The following KCNC2 variants were observed in gnomAD, a reference collection of about 807,000 sequenced individuals.
KCNC2 encodes potassium voltage-gated channel subfamily C member 2.
KCNC2 carries 21 observed loss-of-function variants against 44.5 expected under a neutral mutation model. That is an observed-to-expected ratio of 0.47 (90% CI 0.33 to 0.68). The LOEUF is 0.68. Among genes scored for constraint, KCNC2 ranks in the 30% least tolerant of loss-of-function variants. KCNC2 has a pLI of 0.01. For missense variants in KCNC2, 589 were observed against 826.2 expected (o/e 0.71, Z 3.52); for synonymous variants, 391 against 339.1 (o/e 1.15, Z -1.68).
chr12:75,145,557 G>A (rs554035264), intron 2 of KCNC2, among the ~76,000 whole-genome samples: 32 of 150,776 alleles, frequency 2.1e-4, no homozygotes, highest in Admixed American at 4.0e-4. Flanking sequence ...ATATGACCCC[G>A]TTAATATACA....
chr12:75,188,072 A>C (rs1215683804), intron 2 of KCNC2, among the ~76,000 whole-genome samples: 1 of 152,180 alleles, frequency 6.6e-6, no homozygotes, highest in Non-Finnish European at 1.5e-5. Context: ...GTTTTGATGA[A>C]AATGCCATGA....
intron 1 of KCNC2, 124 bp from the exon 2 acceptor site, chr12:75,208,126 A>C (rs988192843): frequency 3.6e-6 from 4 of 1,101,298 alleles, no homozygotes; most frequent in Middle Eastern, 2.6e-4. Context: ...CGGGGCAAAG[A>C]CCCTCCCCGG....
chr12:75,042,909 T>C lies in KCNC2; in HGVS notation c.*196A>G, dbSNP rs1223642576. On this transcript the variant is annotated 3_prime_UTR_variant, in exon 5 of 5. Coordinates refer to ENST00000549446, the MANE Select transcript of KCNC2 (RefSeq NM_139137.4). ...AATAGGAGGGATCTTAGCACTACTT[T>C]AGACAATCTTTAAAGCCTGGGTAAG... 1.9e-5 allele frequency: 26 copies of C among 1,391,542 alleles called. No individual in the cohort carries two copies. Among genetic ancestry groups the C allele is most frequent in the Admixed American group, 3.1e-5 (1 of 32,118 alleles). The allele number at this position is 1,391,542 out of a possible 1,614,324, so 86.2% of individuals were successfully genotyped here. A position where few individuals can be genotyped will look rare whatever the true frequency, so the allele number is the denominator to read the frequency against.
chr12:75,133,107 C>A (rs1216479131), intron 2 of KCNC2, among the ~76,000 whole-genome samples: 1 of 151,770 alleles, frequency 6.6e-6, no homozygotes, highest in African/African-American at 2.4e-5. Context: ...CTCCAGAAAC[C>A]AAATATTTAA....
chr12:75,056,081 C>T (rs529988958), intron 2 of KCNC2, among the ~76,000 whole-genome samples: 271 of 152,148 alleles, frequency 1.8e-3, no homozygotes, highest in Non-Finnish European at 2.4e-3. Context: ...CACATATCCA[C>T]AAGTTGCTCA....
At chr12:75,109,435 A>G (rs912148066) in intron 2 of KCNC2, among the ~76,000 whole-genome samples, 3 of 152,144 alleles carry the variant, frequency 2.0e-5, no homozygotes, top group African/African-American at 7.2e-5. Flanking sequence ...TGCCTCAAAG[A>G]TCTTGAGTTA....
At chr12:75,115,065 G>T (rs1385476466) in intron 2 of KCNC2, among the ~76,000 whole-genome samples, 1 of 151,564 alleles carries the variant, frequency 6.6e-6, no homozygotes, top group African/African-American at 2.4e-5. Flanking sequence ...GGGTTTCACC[G>T]TGTTAGCCAG....
At chr12:75,058,257 A>G (rs1184738937) in intron 2 of KCNC2, among the ~76,000 whole-genome samples, 1 of 151,922 alleles carries the variant, frequency 6.6e-6, no homozygotes, top group Non-Finnish European at 1.5e-5. Context: ...TGGACAATAT[A>G]TAGCAATTTC....
chr12:75,207,917 G>A lies in KCNC2; in HGVS notation c.67C>T (p.Arg23Cys), dbSNP rs1367639517. 1.9e-6 allele frequency: 3 copies of A among 1,612,794 alleles called. No individual in the cohort carries two copies. Among genetic ancestry groups the A allele is most frequent in the East Asian group, 2.2e-5 (1 of 44,810 alleles). The change falls in exon 2 of 5, where the codon CGC becomes TGC. Residue 23 changes from arginine to cysteine, a missense_variant. Physicochemically the swap from Arg to Cys is radical, Grantham distance 180. Coordinates refer to ENST00000549446, the MANE Select transcript of KCNC2 (RefSeq NM_139137.4). The surrounding 1 kb of genome is among the most constrained non-coding windows in gnomAD (Gnocchi z 4.1). ...NVGGTRHETY[R>C]STLKTLPGTR... is the part of the protein sequence containing the mutation. The stretch of plus-strand genomic sequence containing the variant: ...CCAGGCAGGGTCTTGAGGGTGCTGC[G>A]GTAGGTTTCGTGCCGGGTGCCCCCG...
At chr12:75,056,389 A>G (rs1315085045) in intron 2 of KCNC2, among the ~76,000 whole-genome samples, 1 of 152,034 alleles carries the variant, frequency 6.6e-6, no homozygotes, top group African/African-American at 2.4e-5. Context: ...TTGAAAATTA[A>G]CATCATGGGA....
Position 75,048,270 on chromosome 12 carries a change from G to T in KCNC2, c.1663C>A (p.Pro555Thr). Residue 555 changes from proline to threonine, a missense_variant, in exon 4 of 5, where the codon CCA (proline) becomes ACA (threonine). By Grantham distance (38) the Pro-to-Thr change is conservative. This residue lies in a region of KCNC2 where 171 missense variants were observed against 182.4 expected (regional missense o/e 0.94). Transcript: ENST00000549446. Reference protein sequence around the residue: ...STGSEPPLSPPERLPIRRSST... With the variant: ...STGSEPPLSPTERLPIRRSST... ...GAGCGTCTGATGGGGAGCCTTTCTGGGGGTGATAGTGGCGGCTCACTTCCT... is the reference window on the plus strand; with the variant it reads ...GAGCGTCTGATGGGGAGCCTTTCTGTGGGTGATAGTGGCGGCTCACTTCCT... The T allele has an allele frequency of 6.2e-7, 1 of 1,612,922 alleles. No individual in the cohort carries two copies. The highest frequency in any genetic ancestry group is 8.5e-7 in the Non-Finnish European group (1 of 1,179,298).
intron 2 of KCNC2, among the ~76,000 whole-genome samples, chr12:75,192,511 G>A (rs188276556): frequency 1.3e-5 from 2 of 152,292 alleles, no homozygotes; most frequent in Admixed American, 1.3e-4. Context: ...TCTTACAAAT[G>A]TATTCTCAGT....
At chr12:75,089,260 G>A (rs186785422) in intron 2 of KCNC2, among the ~76,000 whole-genome samples, 36 of 151,736 alleles carry the variant, frequency 2.4e-4, no homozygotes, top group African/African-American at 8.0e-4. Context: ...ACTGTAATGC[G>A]CTAAAGTAAT....
chr12:75,139,307 A>C (rs1044250892), intron 2 of KCNC2, among the ~76,000 whole-genome samples: 2 of 152,210 alleles, frequency 1.3e-5, no homozygotes, highest in African/African-American at 4.8e-5. Flanking sequence ...TTGGAAAGGA[A>C]GTGAAAAAGA....
chr12:75,155,009 C>T (rs1299055826), intron 2 of KCNC2, among the ~76,000 whole-genome samples: 1 of 151,786 alleles, frequency 6.6e-6, no homozygotes, highest in Admixed American at 6.6e-5. Context: ...TACTGTGCTA[C>T]CTGCTTAGTA....
At chr12:75,069,434 C>G (rs2137026805) in intron 2 of KCNC2, among the ~76,000 whole-genome samples, 1 of 152,136 alleles carries the variant, frequency 6.6e-6, no homozygotes. Flanking sequence ...CCGTGCTCGG[C>G]CTCAATGTTA....
intron 2 of KCNC2, among the ~76,000 whole-genome samples, chr12:75,055,094 A>G (rs78899314): frequency 0.16 from 25,073 of 152,042 alleles, 2,422 homozygotes; most frequent in Admixed American, 0.26. Flanking sequence ...TTTTTCCTTC[A>G]CTGAACTGAG....
intron 2 of KCNC2, among the ~76,000 whole-genome samples, chr12:75,194,594 C>T (rs1277567819): frequency 6.6e-6 from 1 of 152,082 alleles, no homozygotes; most frequent in Non-Finnish European, 1.5e-5. Context: ...AATACAATGT[C>T]TATAAAGTGA....
At chr12:75,139,347 C>T (rs146631503) in intron 2 of KCNC2, among the ~76,000 whole-genome samples, 1 of 152,274 alleles carries the variant, frequency 6.6e-6, no homozygotes, top group African/African-American at 2.4e-5. Flanking sequence ...TTTATCTCTT[C>T]TTCAATGGAA....
Sources: gnomAD v4.1 joint callset for allele counts (sites outside exome capture counted in the v4.1 genomes callset) on GRCh38, gnomAD v4.1.1 for gene constraint, gnomAD v4.1.1 regional missense constraint, Gnocchi (gnomAD v3.1) non-coding constraint, MANE v1.5 for transcripts, NCBI Gene and HGNC (gene_info 2026-07-23, HGNC 2026-07-21) for gene names.